Variants in KCNIP1 observed in about 807,000 individuals in gnomAD.
KCNIP1 encodes the protein potassium voltage-gated channel interacting protein 1.
KCNIP1 carries 18 observed loss-of-function variants against 33.0 expected under a neutral mutation model. The ratio of observed to expected loss-of-function variants is 0.55; its 90% CI spans 0.38 to 0.81. The LOEUF is 0.81. Ranked by LOEUF, KCNIP1 falls within the 30% of genes least tolerant of loss-of-function variation. The probability of loss-of-function intolerance (pLI) is 0.00; values close to 1 mark genes in which losing one functional copy is unlikely to be tolerated. For missense variants in KCNIP1, 238 were observed against 271.6 expected, an observed-to-expected ratio of 0.88 and a Z score of 0.87; for synonymous variants, 93 against 98.3, an observed-to-expected ratio of 0.95 and a Z score of 0.32.
chr5:170,658,680 C>G (rs1438296147), intron 1 of KCNIP1, among the ~76,000 whole-genome samples: 1 of 152,116 alleles, frequency 6.6e-6, no homozygotes, highest in Non-Finnish European at 1.5e-5. Flanking sequence ...ACCATTAAGG[C>G]TGCAGAGTCT....
At chr5:170,730,402 A>T (rs147006048) in intron 5 of KCNIP1, among the ~76,000 whole-genome samples, 17 of 152,330 alleles carry the variant, frequency 1.1e-4, no homozygotes, top group African/African-American at 4.1e-4. Flanking sequence ...TAAAAGAAAA[A>T]GAAAGTGTGG....
chr5:170,378,948 T>C, intron 1 of KCNIP1: 1 of 1,614,104 alleles, frequency 6.2e-7, no homozygotes. Context: ...CTGGTAATTG[T>C]CCACGCTGCC....
At chr5:170,451,003 A>G (rs571173318) in intron 1 of KCNIP1, among the ~76,000 whole-genome samples, 31 of 152,000 alleles carry the variant, frequency 2.0e-4, no homozygotes, top group African/African-American at 7.5e-4. Context: ...GAAGAAGGGG[A>G]TCACAACCTT....
chr5:170,436,460 C>T (rs955003640), intron 1 of KCNIP1, among the ~76,000 whole-genome samples: 1 of 152,206 alleles, frequency 6.6e-6, no homozygotes, highest in Admixed American at 6.5e-5. Context: ...TGAAGGCGAT[C>T]GCCCATCCGG....
At chr5:170,702,986 G>A (rs1763148309) in intron 1 of KCNIP1, among the ~76,000 whole-genome samples, 1 of 141,846 alleles carries the variant, frequency 7.0e-6, no homozygotes, top group Non-Finnish European at 1.5e-5. Context: ...ATACCTCACA[G>A]GGGTTAAGCA....
chr5:170,636,379 G>A (rs778053437), intron 1 of KCNIP1, among the ~76,000 whole-genome samples: 6 of 152,120 alleles, frequency 3.9e-5, no homozygotes, highest in African/African-American at 1.2e-4. Flanking sequence ...AGAGGGTGGC[G>A]GGCCAACAGC....
chr5:170,730,219 G>GA (rs1764148089), intron 5 of KCNIP1, among the ~76,000 whole-genome samples: 2 of 151,910 alleles, frequency 1.3e-5, no homozygotes, highest in Non-Finnish European at 1.5e-5. Context: ...AACATATAAA[G>GA]AAAAAAATAC....
intron 1 of KCNIP1, among the ~76,000 whole-genome samples, chr5:170,571,557 T>C (rs1757409014): frequency 6.6e-6 from 1 of 152,224 alleles, no homozygotes; most frequent in Non-Finnish European, 1.5e-5. Flanking sequence ...CCAGGGCTTT[T>C]CTGCTATGAC....
chr5:170,377,682 C>T (rs1764062190), intron 1 of KCNIP1: 1 of 152,108 alleles, frequency 6.6e-6, no homozygotes, highest in Non-Finnish European at 1.5e-5. Context: ...ACGCCATTCT[C>T]CTGCCTCAGC....
chr5:170,608,128 C>T (rs1166024512), intron 1 of KCNIP1, among the ~76,000 whole-genome samples: 1 of 152,138 alleles, frequency 6.6e-6, no homozygotes, highest in Non-Finnish European at 1.5e-5. Context: ...CCACATCCTT[C>T]TCCAGCCCCC....
At position 170,469,488 on chromosome 5, in the gene KCNIP1, C is replaced by T. The variant is rs1296200539; in HGVS notation, c.88+115524C>T. On this transcript the variant is annotated intron_variant, in intron 1 of 7. Coordinates refer to the KCNIP1 transcript ENST00000377360. Reference sequence around the variant, plus strand: ...TAACATCCCTCTCTCCCTTCCTCATCGCCTTTGGGGTGTGGCCTCATGCCT... The same window carrying T: ...TAACATCCCTCTCTCCCTTCCTCATTGCCTTTGGGGTGTGGCCTCATGCCT... 4.6e-5 allele frequency among the ~76,000 whole-genome samples: 7 copies of T among 152,340 alleles called. No individual in the cohort carries two copies. In the South Asian group the frequency reaches 8.3e-4, roughly 18 times the overall value.
intron 1 of KCNIP1, among the ~76,000 whole-genome samples, chr5:170,381,855 C>T (rs568864969): frequency 1.6e-4 from 25 of 152,336 alleles, no homozygotes; most frequent in African/African-American, 2.2e-4. Context: ...TGAATGCCAA[C>T]GCAGAGGCAG....
At chr5:170,353,709 G>A (rs1763271056) in exon 1 of KCNIP1, 5 of 634,912 alleles carry the variant, frequency 7.9e-6, no homozygotes, top group Non-Finnish European at 1.4e-5. Context: ...GGATGCAGAA[G>A]CCAGACTCGC....
chr5:170,467,683 C>T (rs1242195495), intron 1 of KCNIP1, among the ~76,000 whole-genome samples: 4 of 151,930 alleles, frequency 2.6e-5, no homozygotes, highest in Admixed American at 2.0e-4. Flanking sequence ...TTCGAGAGGC[C>T]GAGGCGGGTG....
In KCNIP1 at chr5:170,635,322, GC is replaced by G. The variant is rs1760237706; in HGVS notation, c.62-83433del. ...TGAGATTACAGGAGTGAGCCATCAC[GC>G]CCGGCCAAGAAGACCTTTTAAAGTA... On this transcript the variant is annotated intron_variant, in intron 1 of 7. Coordinates refer to ENST00000328939, the MANE Select transcript of KCNIP1 (RefSeq NM_014592.4). 4.6e-5 allele frequency among the ~76,000 whole-genome samples: 7 copies of G among 152,286 alleles called. 1 individual carries two copies. The South Asian group carries it at 1.5e-3, about 32-fold the overall frequency.
rs998681824 is a variant in KCNIP1 at position 170,734,027 on chromosome 5, A to G, written c.603+129A>G. The stretch of plus-strand genomic sequence containing the variant: ...AACCCCTCCCATCAGAGCCAACAAC[A>G]CCAGCAACAACTGTGAAGTCCACAG... On this transcript the variant is annotated intron_variant, in intron 7 of 7. Transcript: ENST00000328939. 4.2e-5 allele frequency: 28 copies of G among 659,108 alleles called. 1 individual carries two copies. The South Asian group carries it at 4.7e-4, about 11-fold the overall frequency. The allele number at this position is 659,108 out of a possible 1,614,324, so 40.8% of individuals were successfully genotyped here.
rs73800632 is a variant in KCNIP1 at position 170,357,413 on chromosome 5, G to A, written c.88+3449G>A. ...TACTCTCATGGTTGAGAGCCCCTCC[G>A]GGCTGGGACTCCCTCTCACTCATTA... is the stretch of plus-strand genomic sequence containing the variant. On this transcript the variant is annotated intron_variant, in intron 1 of 7. Transcript: ENST00000377360. Among the ~76,000 whole-genome samples the A allele has an allele frequency of 2.7e-3, 407 of 152,336 alleles. 3 individuals are homozygous for A. Among genetic ancestry groups the A allele is most frequent in the African/African-American group, 9.3e-3 (386 of 41,580 alleles).
intron 1 of KCNIP1, among the ~76,000 whole-genome samples, chr5:170,635,531 C>T (rs1760247430): frequency 6.6e-6 from 1 of 152,270 alleles, no homozygotes; most frequent in East Asian, 1.9e-4. Flanking sequence ...TACATCACAA[C>T]CTGAAGCCCT....
At chr5:170,685,918 G>A (rs1762521480) in intron 1 of KCNIP1, among the ~76,000 whole-genome samples, 1 of 152,176 alleles carries the variant, frequency 6.6e-6, no homozygotes, top group Admixed American at 6.5e-5. Context: ...AAAATATTCA[G>A]CTCATCTGAT....
Sources: gnomAD v4.1 joint callset for allele counts (sites outside exome capture counted in the v4.1 genomes callset) on GRCh38, gnomAD v4.1.1 for gene constraint, MANE v1.5 for transcripts, NCBI Gene and HGNC (gene_info 2026-07-23, HGNC 2026-07-21) for gene names.